TACC3: variants seen among roughly 807,000 people sequenced by gnomAD.
The protein encoded by TACC3 is transforming acidic coiled-coil-containing protein 3.
TACC3 carries 52 observed loss-of-function variants against 86.0 expected under a neutral mutation model. The observed-to-expected ratio is 0.60, with a 90% confidence interval of 0.48 to 0.76. The LOEUF is 0.76. Among genes scored for constraint, TACC3 ranks in the 30% least tolerant of loss-of-function variants. The probability of loss-of-function intolerance (pLI) is 0.00; values close to 1 mark genes in which losing one functional copy is unlikely to be tolerated. For missense variants in TACC3, 1,120 were observed against 1,070.4 expected, an observed-to-expected ratio of 1.05 and a Z score of -0.65; for synonymous variants, 512 against 430.0, an observed-to-expected ratio of 1.19 and a Z score of -2.36.
In TACC3 at chr4:1,727,920, A is replaced by G. The variant is rs376412171; in HGVS notation, c.518A>G (p.Lys173Arg). Residue 173 changes from lysine to arginine, a missense_variant, in exon 4 of 16, where the codon AAA (lysine) becomes AGA (arginine). Lys to Arg is a conservative substitution (Grantham distance 26, BLOSUM62 2). Transcript: ENST00000313288. ...GAGAACCAAATGGTGTCTCCAGGAA[A>G]AGTGTCTGGCAGCCCTGAGCAAGCC... ...SSENQMVSPG[K>R]VSGSPEQAVE... The G allele has an allele frequency of 6.8e-6, 11 of 1,613,854 alleles. No homozygotes were observed. Among genetic ancestry groups the G allele is most frequent in the Middle Eastern group, 1.6e-4 (1 of 6,084 alleles).
At chr4:1,737,963 T>G (rs1267111864) in intron 10 of TACC3, 1 of 578,180 alleles carries the variant, frequency 1.7e-6, no homozygotes, top group East Asian at 3.4e-5. Context: ...GGGCATGGCG[T>G]TGGCCTCTGG....
chr4:1,743,232 G>A (rs1402890954), intron 13 of TACC3, among the ~76,000 whole-genome samples: 1 of 134,754 alleles, frequency 7.4e-6, no homozygotes, highest in Admixed American at 7.8e-5. Flanking sequence ...CTATGGCCTG[G>A]CGATAGAGCG....
At chr4:1,726,884 T>G (rs966343552) in intron 3 of TACC3, among the ~76,000 whole-genome samples, 2 of 152,064 alleles carry the variant, frequency 1.3e-5, no homozygotes, top group African/African-American at 2.4e-5. Context: ...ATCCTAGCAC[T>G]GGGAGGCCGA....
intron 6 of TACC3, among the ~76,000 whole-genome samples, chr4:1,731,948 A>G (rs1718025749): frequency 6.6e-6 from 1 of 152,256 alleles, no homozygotes; most frequent in South Asian, 2.1e-4. Flanking sequence ...ACCCCTTGAT[A>G]ATGAAATGTG....
intron 3 of TACC3, among the ~76,000 whole-genome samples, chr4:1,726,129 C>T (rs1025195395): frequency 6.6e-6 from 1 of 152,228 alleles, no homozygotes; most frequent in Non-Finnish European, 1.5e-5. Context: ...TCCCAACAGC[C>T]GCCTCTTCTG....
rs2290011 is a variant in TACC3, at chr4:1,744,502, G to T, written c.2224-16G>T. 573,315 of 1,609,700 alleles carry T rather than the reference G, an allele frequency of 0.36. 108,035 individuals are homozygous for T. The highest frequency in any genetic ancestry group is 0.7 in the East Asian group (31,303 of 44,832). On this transcript the variant is annotated splice_polypyrimidine_tract_variant and intron_variant, in intron 13 of 15. Transcript: ENST00000313288. The stretch of plus-strand genomic sequence containing the variant: ...AGACGGCGTGGTACCCACAGCTAAT[G>T]CCTGCCCCTTCCTAGAACGAAGAGT...
upstream of TACC3, chr4:1,720,986 G>C: frequency 5.8e-6 from 2 of 347,396 alleles, no homozygotes; most frequent in South Asian, 2.3e-4. The surrounding 1 kb of genome is among the most constrained non-coding windows in gnomAD (Gnocchi z 4.4). Context: ...CCGCCCGGCC[G>C]CCCGCGGGGC....
At chr4:1,737,911 A>G (rs1202872618) in intron 10 of TACC3, 1 of 673,536 alleles carries the variant, frequency 1.5e-6, no homozygotes, top group Admixed American at 2.1e-5. Flanking sequence ...GTGTCCCCGC[A>G]GTCAGCTGCC....
At chr4:1,729,002 C>T (rs1398889129) in intron 4 of TACC3, among the ~76,000 whole-genome samples, 2 of 152,216 alleles carry the variant, frequency 1.3e-5, no homozygotes, top group Non-Finnish European at 2.9e-5. Context: ...TTTAGTGCTC[C>T]TGGCCTAAGG....
intron 3 of TACC3, among the ~76,000 whole-genome samples, chr4:1,727,024 G>C (rs753094365): frequency 6.6e-6 from 1 of 152,056 alleles, no homozygotes; most frequent in Admixed American, 6.6e-5. Context: ...CCAGCTACTT[G>C]GGAGGCTGAG....
At chr4:1,732,229 G>A (rs2166578) in intron 6 of TACC3, among the ~76,000 whole-genome samples, 26,603 of 149,142 alleles carry the variant, frequency 0.18, 2,908 homozygotes, top group Non-Finnish European at 0.25. Context: ...CGGTTTGTCC[G>A]TAAGATTGGA....
upstream of TACC3, chr4:1,720,877 C>T: frequency 6.5e-7 from 1 of 1,538,162 alleles, no homozygotes; most frequent in Middle Eastern, 1.8e-4. This position sits in a 1 kb window ranked among gnomAD's most constrained non-coding sequence, Gnocchi z 4.4. Context: ...GGCCCCCGCC[C>T]CGGCGCGCGG....
intron 13 of TACC3, 112 bp from the exon 14 acceptor site, chr4:1,744,405 CT>C: frequency 1.0e-6 from 1 of 969,816 alleles, no homozygotes; most frequent in South Asian, 1.5e-5. Flanking sequence ...GAGCTACTGG[CT>C]CACGGCTGAT....
rs990294734 is a variant in TACC3, at chr4:1,727,816, T to G, written c.414T>G (p.Ser138Arg). The G allele has an allele frequency of 1.9e-6, 3 of 1,612,814 alleles. No individual in the cohort carries two copies. The highest frequency in any genetic ancestry group is 2.5e-6 in the Non-Finnish European group (3 of 1,179,970). Residue 138 changes from serine to arginine, a missense_variant, in exon 4 of 16, where the codon AGT (serine) becomes AGG (arginine). Ser to Arg is a moderately radical substitution (Grantham distance 110). Coordinates refer to ENST00000313288, the MANE Select transcript of TACC3 (RefSeq NM_006342.3). Reference sequence around the variant, plus strand: ...GGGATGCAAGCCCAGCCTTTGGGAGTGGCAGCTCCAGCGAGTCTGGCCCAG... The same window carrying G: ...GGGATGCAAGCCCAGCCTTTGGGAGGGGCAGCTCCAGCGAGTCTGGCCCAG... ...LLGDASPAFG[S>R]GSSSESGPGA... is the part of the protein sequence containing the mutation.
Position 1,735,651 on chromosome 4 carries a change from AGGTGACCT to A in TACC3, c.1645-79_1645-72del, listed in dbSNP as rs1718220091. The A allele has an allele frequency of 8.8e-7, 1 of 1,131,696 alleles. No homozygotes were observed. The allele number at this position is 1,131,696 out of a possible 1,614,324, so 70.1% of individuals were successfully genotyped here. ...CGGGTGACCGGGGGTGGGAGTGTGC[AGGTGACCT>A]CCCTGGCCCTTAGCCCCCGTGTGTG... On this transcript the variant is annotated intron_variant, in intron 7 of 15. Transcript: ENST00000313288. The surrounding 1 kb of genome is among the most constrained non-coding windows in gnomAD (Gnocchi z 4.2).
Position 1,735,646 on chromosome 4 carries a change from T to TGTGCGGGTGACCGGGGGTGGGAGG in TACC3, c.1645-81_1645-80insGGGTGACCGGGGGTGGGAGGGTGC. 1 of 1,063,524 alleles carries TGTGCGGGTGACCGGGGGTGGGAGG rather than the reference T, an allele frequency of 9.4e-7. No homozygotes were observed. Among genetic ancestry groups the TGTGCGGGTGACCGGGGGTGGGAGG allele is most frequent in the Non-Finnish European group, 1.4e-6 (1 of 693,934 alleles). The allele number at this position is 1,063,524 out of a possible 1,614,324, so 65.9% of individuals were successfully genotyped here. ...GTGTGCGGGTGACCGGGGGTGGGAG[T>TGTGCGGGTGACCGGGGGTGGGAGG]GTGCAGGTGACCTCCCTGGCCCTTA... is the stretch of plus-strand genomic sequence containing the variant. On this transcript the variant is annotated intron_variant, in intron 7 of 15. Coordinates refer to ENST00000313288, the MANE Select transcript of TACC3 (RefSeq NM_006342.3). This position sits in a 1 kb window ranked among gnomAD's most constrained non-coding sequence, Gnocchi z 4.2.
chr4:1,734,368 C>T (rs759884147), intron 6 of TACC3, among the ~76,000 whole-genome samples: 7 of 152,030 alleles, frequency 4.6e-5, no homozygotes, highest in East Asian at 1.9e-4. Flanking sequence ...TTGCATTTTT[C>T]GTAGAGACAG....
At chr4:1,722,463 C>T (rs1272818787) in intron 1 of TACC3, among the ~76,000 whole-genome samples, 1 of 152,232 alleles carries the variant, frequency 6.6e-6, no homozygotes, top group Admixed American at 6.5e-5. Context: ...CTCCAGAAGC[C>T]TGTGGTTTCC....
rs1718479615 is a variant in TACC3, at chr4:1,739,783, G to A, written c.2018+5G>A. 1 of 1,582,792 alleles carries A rather than the reference G, an allele frequency of 6.3e-7. No individual in the cohort carries two copies. Among genetic ancestry groups the A allele is most frequent in the Non-Finnish European group, 8.6e-7 (1 of 1,165,664 alleles). On this transcript the variant is annotated splice_donor_5th_base_variant and intron_variant, in intron 11 of 15. Coordinates refer to ENST00000313288, the MANE Select transcript of TACC3 (RefSeq NM_006342.3). ...CGGGAAGAACCTGGAACTGGGGTAA[G>A]GAGGCCCCGTCTCCTGTCCTCCCCG...
Sources: gnomAD v4.1 joint callset for allele counts (sites outside exome capture counted in the v4.1 genomes callset) on GRCh38, gnomAD v4.1.1 for gene constraint, Gnocchi (gnomAD v3.1) non-coding constraint, MANE v1.5 for transcripts, NCBI Gene and HGNC (gene_info 2026-07-23, HGNC 2026-07-21) for gene names.